The following KANK1 variants were observed in gnomAD, a reference collection of about 807,000 sequenced individuals.
KANK1 encodes the protein KN motif and ankyrin repeat domains 1.
KANK1 carries 109 observed loss-of-function variants against 106.2 expected under a neutral mutation model. The observed-to-expected ratio is 1.03, with a 90% CI of 0.88 to 1.20. The LOEUF is 1.20. Ranked by LOEUF, KANK1 falls within the 50% of genes most tolerant of loss-of-function variation. The pLI is 0.00. For missense variants in KANK1, 2,399 were observed against 1,710.7 expected (o/e 1.40, Z -7.10); for synonymous variants, 873 against 652.2 (o/e 1.34, Z -5.16).
chr9:652,864 G>C (rs1256027859), intron 1 of KANK1, among the ~76,000 whole-genome samples: 1 of 152,100 alleles, frequency 6.6e-6, no homozygotes, highest in African/African-American at 2.4e-5. Flanking sequence ...AGAGGGAATA[G>C]AAAACTTAAT....
chr9:492,161 A>T (rs957376253), intron 3 of KANK1: 18 of 152,236 alleles, frequency 1.2e-4, no homozygotes, highest in African/African-American at 4.3e-4. Context: ...AGGAGAAAAG[A>T]CAGAGTCATT....
intron 1 of KANK1, among the ~76,000 whole-genome samples, chr9:641,620 G>A (rs1224692038): frequency 3.9e-5 from 6 of 152,168 alleles, no homozygotes; most frequent in Admixed American, 2.0e-4. Flanking sequence ...GCAAGGAAGC[G>A]TAGCCTGTGT....
intron 2 of KANK1, chr9:706,748 T>C (rs1396826571): frequency 1.0e-6 from 1 of 983,650 alleles, no homozygotes; most frequent in African/African-American, 1.7e-5. Context: ...AGTCAGGCAG[T>C]GCTCTGGAAC....
chr9:569,073 C>T (rs1475065593), intron 1 of KANK1, among the ~76,000 whole-genome samples: 2 of 152,102 alleles, frequency 1.3e-5, no homozygotes, highest in Non-Finnish European at 2.9e-5. Context: ...CATTGGGAGG[C>T]TGTTAGTGCA....
At chr9:512,231 G>A (rs1162640989) in intron 1 of KANK1, among the ~76,000 whole-genome samples, 1 of 90,030 alleles carries the variant, frequency 1.1e-5, no homozygotes, top group African/African-American at 7.6e-5. Context: ...ATAACCAATA[G>A]TGTGTGTGTG....
intron 1 of KANK1, among the ~76,000 whole-genome samples, chr9:666,329 C>T (rs1036539211): frequency 2.0e-5 from 3 of 152,298 alleles, no homozygotes; most frequent in African/African-American, 7.2e-5. Flanking sequence ...TGCAGCTTTA[C>T]TGAATTCACT....
intron 3 of KANK1, among the ~76,000 whole-genome samples, chr9:492,955 C>T (rs2058400969): frequency 6.7e-6 from 1 of 149,022 alleles, no homozygotes; most frequent in Non-Finnish European, 1.5e-5. Flanking sequence ...ACTCAGGAGG[C>T]AGAGGTTGCG....
intron 1 of KANK1, among the ~76,000 whole-genome samples, chr9:590,023 A>G (rs1416007730): frequency 6.6e-6 from 1 of 152,098 alleles, no homozygotes; most frequent in African/African-American, 2.4e-5. Flanking sequence ...GCACAGGAGC[A>G]GTATTAGGAT....
intron 3 of KANK1, among the ~76,000 whole-genome samples, chr9:497,494 ATTCTT>A (rs2058475329): frequency 1.3e-5 from 2 of 152,030 alleles, no homozygotes; most frequent in African/African-American, 2.4e-5. Context: ...ATGTTCAAGA[ATTCTT>A]CTCTCACAGC....
At chr9:729,632 A>T (rs1463879406) in intron 3 of KANK1, among the ~76,000 whole-genome samples, 1 of 152,240 alleles carries the variant, frequency 6.6e-6, no homozygotes, top group Non-Finnish European at 1.5e-5. Flanking sequence ...CTGGCTCTGC[A>T]GTGTGGACTA....
intron 1 of KANK1, among the ~76,000 whole-genome samples, chr9:521,479 C>G (rs1192209447): frequency 2.0e-5 from 3 of 151,142 alleles, no homozygotes; most frequent in South Asian, 2.1e-4. Flanking sequence ...TTAGTGAAAA[C>G]TTGTTTTTGG....
intron 1 of KANK1, among the ~76,000 whole-genome samples, chr9:531,474 G>T (rs1390638007): frequency 6.6e-6 from 1 of 152,124 alleles, no homozygotes; most frequent in Non-Finnish European, 1.5e-5. Context: ...GATCAAGATC[G>T]GCTTACAAAT....
intron 1 of KANK1, among the ~76,000 whole-genome samples, chr9:536,798 G>A (rs530019906): frequency 2.0e-5 from 3 of 152,160 alleles, no homozygotes; most frequent in Non-Finnish European, 2.9e-5. Context: ...GGCACCTTTG[G>A]GGGGCGCATT....
At chr9:700,307 C>T (rs1822336603) in intron 2 of KANK1, among the ~76,000 whole-genome samples, 1 of 152,158 alleles carries the variant, frequency 6.6e-6, no homozygotes, top group African/African-American at 2.4e-5. Context: ...AAATGGTGTT[C>T]CTCACACAAA....
chr9:727,340 G>C (rs1830954656), intron 3 of KANK1, among the ~76,000 whole-genome samples: 1 of 150,348 alleles, frequency 6.7e-6, no homozygotes, highest in Non-Finnish European at 1.5e-5. Context: ...TTTTTTATTA[G>C]AGTCTCGCTC....
intron 1 of KANK1, among the ~76,000 whole-genome samples, chr9:539,227 C>A (rs568695010): frequency 6.6e-6 from 1 of 152,092 alleles, no homozygotes; most frequent in Non-Finnish European, 1.5e-5. Flanking sequence ...TGCTCAAGAA[C>A]GCTTTGGCTG....
chr9:536,701 A>C (rs1222007531), intron 1 of KANK1, among the ~76,000 whole-genome samples: 1 of 152,170 alleles, frequency 6.6e-6, no homozygotes, highest in African/African-American at 2.4e-5. Flanking sequence ...AAATCTCTCC[A>C]TCCCAAAGTC....
chr9:599,469 C>T (rs1302758853), intron 1 of KANK1, among the ~76,000 whole-genome samples: 1 of 151,790 alleles, frequency 6.6e-6, no homozygotes, highest in African/African-American at 2.4e-5. Flanking sequence ...CATTTATATA[C>T]AAACATACTT....
intron 1 of KANK1, among the ~76,000 whole-genome samples, chr9:664,251 A>G (rs1198625799): frequency 6.6e-6 from 1 of 152,088 alleles, no homozygotes; most frequent in African/African-American, 2.4e-5. Flanking sequence ...GCCTCCGGTA[A>G]CCACTAGTCT....
Sources: allele counts gnomAD v4.1 joint callset (sites outside exome capture counted in the v4.1 genomes callset), GRCh38; gene constraint gnomAD v4.1.1; transcripts MANE v1.5; gene names NCBI Gene and HGNC (gene_info 2026-07-23, HGNC 2026-07-21).